Variants in MAF observed in about 807,000 individuals in gnomAD.
MAF encodes MAF bZIP transcription factor.
MAF carries 10 observed loss-of-function variants against 22.0 expected under a neutral mutation model. The observed-to-expected ratio is 0.45, with a 90% CI of 0.28 to 0.77. The LOEUF (loss-of-function observed/expected upper bound fraction) is 0.77, where lower values mean the gene tolerates loss of function less well. Ranked by LOEUF, MAF falls within the 30% of genes least tolerant of loss-of-function variation. The pLI is 0.12. For synonymous variants in MAF, 337 were observed against 255.8 expected, an observed-to-expected ratio of 1.32 and a Z score of -3.03; for missense variants, 544 against 548.4, an observed-to-expected ratio of 0.99 and a Z score of 0.08.
the MAF span, among the ~76,000 whole-genome samples, chr16:79,354,472 C>T: frequency 6.6e-6 from 1 of 152,056 alleles, no homozygotes; most frequent in African/African-American, 2.4e-5. Flanking sequence ...GGAGTGGGGA[C>T]AGAAGCAAAT....
In MAF at chr16:79,600,087, C is replaced by G; in HGVS notation, c.-185G>C. 1 of 651,928 alleles carries G rather than the reference C, an allele frequency of 1.5e-6. No individual in the cohort carries two copies. 40.4% of individuals were successfully genotyped at this position (651,928 alleles called of 1,614,324 possible). ...TCACACACACACCCCCCCGCCCTGC[C>G]CGCGCCCCCCGCGCCCGCCCTCCCT... On this transcript the variant is annotated 5_prime_UTR_variant, in exon 1 of 2. Coordinates refer to ENST00000326043, the MANE Select transcript of MAF (RefSeq NM_005360.5).
At chr16:79,533,756 G>A in the MAF span, among the ~76,000 whole-genome samples, 9 of 152,188 alleles carry the variant, frequency 5.9e-5, no homozygotes, top group South Asian at 2.1e-4. Context: ...AGTGACCTCT[G>A]TGCCACCTCC....
chr16:79,565,519 C>G, the MAF span, among the ~76,000 whole-genome samples: 3 of 151,710 alleles, frequency 2.0e-5, no homozygotes, highest in Admixed American at 6.6e-5. Context: ...GGGGGGGGAC[C>G]AGTTGGGAGG....
At chr16:79,363,670 G>T in the MAF span, among the ~76,000 whole-genome samples, 1 of 152,112 alleles carries the variant, frequency 6.6e-6, no homozygotes, top group African/African-American at 2.4e-5. Context: ...TACCAAAATG[G>T]AGGTCTGATA....
At chr16:79,528,917 G>T in the MAF span, among the ~76,000 whole-genome samples, 1 of 152,058 alleles carries the variant, frequency 6.6e-6, no homozygotes, top group Non-Finnish European at 1.5e-5. Flanking sequence ...TTGATGACCC[G>T]GTGCAAGATT....
chr16:79,233,581 G>C, the MAF span, among the ~76,000 whole-genome samples: 2 of 152,134 alleles, frequency 1.3e-5, no homozygotes, highest in Admixed American at 1.3e-4. Flanking sequence ...CACAAGTACT[G>C]TGGGAACAGA....
chr16:79,255,965 CT>C, the MAF span, among the ~76,000 whole-genome samples: 1 of 137,912 alleles, frequency 7.3e-6, no homozygotes, highest in Non-Finnish European at 1.6e-5. Flanking sequence ...CTTTTCTTTT[CT>C]TTTTTCTTTT....
the MAF span, among the ~76,000 whole-genome samples, chr16:79,418,763 G>A: frequency 1.3e-5 from 2 of 152,144 alleles, no homozygotes; most frequent in African/African-American, 4.8e-5. Context: ...TTATGGAGAT[G>A]ATATATGATA....
chr16:79,310,166 GGTTC>G, the MAF span, among the ~76,000 whole-genome samples: 1 of 152,100 alleles, frequency 6.6e-6, no homozygotes, highest in Non-Finnish European at 1.5e-5. Context: ...ATTGGCACAA[GGTTC>G]AGCCACCCTT....
chr16:79,564,181 G>C, the MAF span, among the ~76,000 whole-genome samples: 7 of 152,300 alleles, frequency 4.6e-5, no homozygotes, highest in East Asian at 1.4e-3. Flanking sequence ...GTCCTGGCAG[G>C]GCAGCGTTCC....
chr16:79,331,092 G>A, the MAF span, among the ~76,000 whole-genome samples: 1 of 152,218 alleles, frequency 6.6e-6, no homozygotes, highest in Non-Finnish European at 1.5e-5. Flanking sequence ...TTTGAGGATT[G>A]AAGCACCTCA....
the MAF span, among the ~76,000 whole-genome samples, chr16:79,346,185 C>A: frequency 2.1e-5 from 3 of 145,602 alleles, no homozygotes; most frequent in Admixed American, 6.8e-5. Context: ...CCGCTCCCCC[C>A]ACCCCACTAC....
At chr16:79,213,676 C>A in the MAF span, among the ~76,000 whole-genome samples, 2,916 of 151,918 alleles carry the variant, frequency 0.019, 96 homozygotes, top group African/African-American at 0.067. Context: ...ACTCCCAGAA[C>A]CGGCATCCAG....
At chr16:79,289,682 T>C in the MAF span, among the ~76,000 whole-genome samples, 1 of 151,946 alleles carries the variant, frequency 6.6e-6, no homozygotes, top group Non-Finnish European at 1.5e-5. Context: ...TTGTTGACCA[T>C]TTTAGGGATG....
the MAF span, among the ~76,000 whole-genome samples, chr16:79,477,875 C>T: frequency 1.3e-5 from 2 of 151,992 alleles, no homozygotes; most frequent in East Asian, 3.9e-4. Flanking sequence ...CAGGCGCGTG[C>T]CACCAGGCCA....
the MAF span, among the ~76,000 whole-genome samples, chr16:79,458,599 CTT>C: frequency 6.6e-6 from 1 of 152,146 alleles, no homozygotes; most frequent in Admixed American, 6.5e-5. Flanking sequence ...AAAGTCTACT[CTT>C]TGTGCATTTC....
chr16:79,469,800 T>G, the MAF span, among the ~76,000 whole-genome samples: 3 of 152,096 alleles, frequency 2.0e-5, no homozygotes, highest in Non-Finnish European at 4.4e-5. Flanking sequence ...TTTCACAGTG[T>G]TGGTCAGGCT....
the MAF span, among the ~76,000 whole-genome samples, chr16:79,465,398 G>C: frequency 6.6e-6 from 1 of 152,090 alleles, no homozygotes; most frequent in Admixed American, 6.6e-5. Context: ...TTTGAGACAA[G>C]ACTGGGCAAC....
At chr16:79,339,050 T>A in the MAF span, among the ~76,000 whole-genome samples, 23 of 151,942 alleles carry the variant, frequency 1.5e-4, no homozygotes, top group East Asian at 3.8e-4. Flanking sequence ...TTTAATTTTT[T>A]ATTTTTATTT....
Sources: gnomAD v4.1 joint callset for allele counts (sites outside exome capture counted in the v4.1 genomes callset) on GRCh38, gnomAD v4.1.1 for gene constraint, MANE v1.5 for transcripts, NCBI Gene and HGNC (gene_info 2026-07-23, HGNC 2026-07-21) for gene names.